The following XKR9 variants were observed in gnomAD, a reference collection of about 807,000 sequenced individuals.
XKR9 encodes XK-related protein 9.
XKR9 carries 32 observed loss-of-function variants against 32.0 expected under a neutral mutation model. The observed-to-expected ratio is 1.00, with a 90% CI of 0.76 to 1.34. The LOEUF is 1.34. XKR9 is among the 40% of genes most tolerant of loss of function. The pLI is 0.00. For synonymous variants in XKR9, 168 were observed against 143.4 expected (o/e 1.17, Z -1.22); for missense variants, 546 against 429.7 (o/e 1.27, Z -2.39).
chr8:70,951,869 G>A, the XKR9 span, among the ~76,000 whole-genome samples: 5 of 100,592 alleles, frequency 5.0e-5, no homozygotes, highest in East Asian at 6.1e-4. Flanking sequence ...AGCATCATTG[G>A]GGGGGGGGTG....
chr8:70,723,062 A>G (rs1386530291), intron 4 of XKR9, among the ~76,000 whole-genome samples: 1 of 151,454 alleles, frequency 6.6e-6, no homozygotes, highest in Non-Finnish European at 1.5e-5. Flanking sequence ...TCAAACTCTG[A>G]TATTGTTCCT....
intron 4 of XKR9, among the ~76,000 whole-genome samples, chr8:70,718,804 G>C (rs1806177184): frequency 6.6e-6 from 1 of 152,124 alleles, no homozygotes; most frequent in African/African-American, 2.4e-5. Context: ...CTTTATAGTA[G>C]AATGATTTAT....
At chr8:70,828,473 G>T in the XKR9 span, among the ~76,000 whole-genome samples, 2 of 151,550 alleles carry the variant, frequency 1.3e-5, no homozygotes, top group African/African-American at 4.8e-5. Flanking sequence ...AGTGGCTCAC[G>T]CCAGCACTTT....
At chr8:70,968,792 A>G in the XKR9 span, among the ~76,000 whole-genome samples, 1,466 of 152,324 alleles carry the variant, frequency 9.6e-3, 23 homozygotes, top group African/African-American at 0.034. Flanking sequence ...CTGTGAAACA[A>G]CAAAGATAGC....
At chr8:70,807,002 A>G in the XKR9 span, among the ~76,000 whole-genome samples, 1 of 152,192 alleles carries the variant, frequency 6.6e-6, no homozygotes, top group African/African-American at 2.4e-5. Context: ...AAAAATGTTA[A>G]GGGCAGCCAG....
At chr8:70,828,357 G>A in the XKR9 span, among the ~76,000 whole-genome samples, 1 of 152,148 alleles carries the variant, frequency 6.6e-6, no homozygotes, top group African/African-American at 2.4e-5. Flanking sequence ...TTTAACCGTG[G>A]GCATGGAGAA....
At chr8:70,703,389 T>G (rs1466932402) in intron 3 of XKR9, among the ~76,000 whole-genome samples, 1 of 152,162 alleles carries the variant, frequency 6.6e-6, no homozygotes, top group African/African-American at 2.4e-5. Context: ...CAAAAATTTA[T>G]TTCTCAGTTC....
chr8:71,048,736 C>A, the XKR9 span, among the ~76,000 whole-genome samples: 1 of 152,150 alleles, frequency 6.6e-6, no homozygotes, highest in Non-Finnish European at 1.5e-5. Flanking sequence ...GAAAAGATTT[C>A]TCTTTATTTA....
At chr8:70,870,246 T>G in the XKR9 span, among the ~76,000 whole-genome samples, 1 of 152,204 alleles carries the variant, frequency 6.6e-6, no homozygotes, top group Non-Finnish European at 1.5e-5. Flanking sequence ...TATTAATAAT[T>G]TGTATTGAAC....
the XKR9 span, among the ~76,000 whole-genome samples, chr8:70,898,972 G>T: frequency 6.6e-6 from 1 of 152,096 alleles, no homozygotes; most frequent in East Asian, 1.9e-4. Flanking sequence ...AGAGTGTAGT[G>T]GTGCAATCAT....
intron 3 of XKR9, among the ~76,000 whole-genome samples, chr8:70,693,298 G>A (rs1054919572): frequency 1.3e-5 from 2 of 152,182 alleles, no homozygotes; most frequent in East Asian, 1.9e-4. Context: ...TCTGGTTTCA[G>A]TGGGGGTATA....
chr8:70,834,459 A>G, the XKR9 span, among the ~76,000 whole-genome samples: 1 of 152,160 alleles, frequency 6.6e-6, no homozygotes, highest in Non-Finnish European at 1.5e-5. Context: ...CTGCTAATCT[A>G]TGATTCTCCT....
chr8:70,880,964 T>C, the XKR9 span, among the ~76,000 whole-genome samples: 4 of 152,100 alleles, frequency 2.6e-5, no homozygotes, highest in South Asian at 8.3e-4. Context: ...AGAAATAACA[T>C]CACTCATCTA....
chr8:70,938,855 G>C, the XKR9 span, among the ~76,000 whole-genome samples: 1 of 152,054 alleles, frequency 6.6e-6, no homozygotes, highest in East Asian at 1.9e-4. Flanking sequence ...CATGTAGGGG[G>C]CTAGGGGTAT....
the XKR9 span, among the ~76,000 whole-genome samples, chr8:70,946,127 C>T: frequency 3.3e-5 from 5 of 152,160 alleles, no homozygotes; most frequent in African/African-American, 9.6e-5. Flanking sequence ...CAGTGAGACT[C>T]TGTCTCAAAA....
intron 2 of XKR9, among the ~76,000 whole-genome samples, chr8:70,752,852 A>G (rs1368650533): frequency 6.6e-6 from 1 of 152,174 alleles, no homozygotes. Flanking sequence ...TCACAATTAA[A>G]AGAACTAGAA....
At chr8:70,881,659 T>C in the XKR9 span, among the ~76,000 whole-genome samples, 1 of 152,188 alleles carries the variant, frequency 6.6e-6, no homozygotes, top group Non-Finnish European at 1.5e-5. Context: ...ACTTTTACAC[T>C]GTTGCTGGGA....
chr8:71,009,505 T>G, the XKR9 span, among the ~76,000 whole-genome samples: 1 of 152,194 alleles, frequency 6.6e-6, no homozygotes, highest in African/African-American at 2.4e-5. Flanking sequence ...GGTTGTAAGC[T>G]CCATAGGGTT....
At chr8:70,985,120 T>A in the XKR9 span, among the ~76,000 whole-genome samples, 1 of 152,222 alleles carries the variant, frequency 6.6e-6, no homozygotes, top group African/African-American at 2.4e-5. Context: ...AAATGATATT[T>A]AATATGAAAA....
Sources: allele counts gnomAD v4.1 joint callset (sites outside exome capture counted in the v4.1 genomes callset), GRCh38; gene constraint gnomAD v4.1.1; transcripts MANE v1.5; gene names NCBI Gene and HGNC (gene_info 2026-07-23, HGNC 2026-07-21).